The following SPATA13 variants were observed in gnomAD, a reference collection of about 807,000 sequenced individuals.
The protein encoded by SPATA13 is spermatogenesis-associated protein 13.
SPATA13 carries 50 observed loss-of-function variants against 104.0 expected under a neutral mutation model. The observed-to-expected ratio is 0.48, with a 90% CI of 0.38 to 0.61. The LOEUF is 0.61. Ranked by LOEUF, SPATA13 falls within the 20% of genes least tolerant of loss-of-function variation. The pLI, the probability that SPATA13 is intolerant of heterozygous loss-of-function variation, is 0.00. For missense variants in SPATA13, 1,524 were observed against 1,690.6 expected (o/e 0.90, Z 1.73); for synonymous variants, 606 against 667.5 (o/e 0.91, Z 1.42).
At chr13:24,079,226 G>T (rs879906688) in intron 3 of SPATA13, among the ~76,000 whole-genome samples, 2 of 152,200 alleles carry the variant, frequency 1.3e-5, no homozygotes, top group East Asian at 3.8e-4. Flanking sequence ...GAGACTTTGG[G>T]TGTGAAGTAG....
chr13:24,251,801 C>G lies in SPATA13; in HGVS notation c.2103C>G (p.Ser701=). The G allele has an allele frequency of 1.2e-6, 2 of 1,614,192 alleles. No individual in the cohort carries two copies. Among genetic ancestry groups the G allele is most frequent in the Non-Finnish European group, 1.7e-6 (2 of 1,180,018 alleles). Residue 701 remains serine, a synonymous_variant, in exon 4 of 13, where the codon TCC becomes TCG. Transcript: ENST00000382108. ...CCCGGTTCCGGCCCTTCACATTCTC[C>G]CAGAGCACCCCCATTGGGTTGGACC... is the stretch of plus-strand genomic sequence containing the variant. ...VSARFRPFTF[S]QSTPIGLDRV... is the part of the protein sequence containing the mutation.
chr13:24,156,745 T>C (rs550336182), upstream of SPATA13, among the ~76,000 whole-genome samples: 3 of 152,150 alleles, frequency 2.0e-5, no homozygotes. Context: ...TTTACATACA[T>C]TATTACACTT....
In SPATA13 at chr13:24,139,655, C is replaced by A. The variant is rs372494771; in HGVS notation, c.-111-83164C>A. The stretch of plus-strand genomic sequence containing the variant: ...TAAACACCAACTGGAACTACAGAAA[C>A]CCTCTCTGAGCTTGGTAAGTTAGGA... On this transcript the variant is annotated intron_variant, in intron 3 of 14. Transcript: ENST00000424834. Among the ~76,000 whole-genome samples, 6 of 152,314 alleles carry A rather than the reference C, an allele frequency of 3.9e-5. No individual in the cohort carries two copies. In the East Asian group the frequency reaches 9.6e-4, roughly 24 times the overall value.
At chr13:24,281,191 C>T (rs917910458) in intron 4 of SPATA13, among the ~76,000 whole-genome samples, 18 of 152,228 alleles carry the variant, frequency 1.2e-4, no homozygotes, top group African/African-American at 3.4e-4. Flanking sequence ...GGCTGTGGAG[C>T]GCTTTCTTCT....
intron 2 of SPATA13, among the ~76,000 whole-genome samples, chr13:24,242,184 A>T (rs1045891999): frequency 6.6e-6 from 1 of 152,170 alleles, no homozygotes; most frequent in Non-Finnish European, 1.5e-5. Context: ...AGTTAGGGGA[A>T]GAGGGCCTAG....
intron 3 of SPATA13, among the ~76,000 whole-genome samples, chr13:24,089,995 T>C (rs1879861034): frequency 6.6e-6 from 1 of 152,250 alleles, no homozygotes; most frequent in South Asian, 2.1e-4. Flanking sequence ...TTATGAGGGC[T>C]CTGCCTTCAG....
chr13:24,081,475 C>T (rs1045697114), intron 3 of SPATA13, among the ~76,000 whole-genome samples: 1 of 151,956 alleles, frequency 6.6e-6, no homozygotes, highest in East Asian at 1.9e-4. Context: ...AAACTCACAT[C>T]AATAGTATGA....
At chr13:24,081,160 G>T (rs1001222989) in intron 3 of SPATA13, among the ~76,000 whole-genome samples, 1 of 152,166 alleles carries the variant, frequency 6.6e-6, no homozygotes, top group Non-Finnish European at 1.5e-5. Flanking sequence ...TGTCCTTGCT[G>T]TTGGCCTAAT....
chr13:24,265,853 C>T (rs1874274969), intron 4 of SPATA13, among the ~76,000 whole-genome samples: 1 of 152,088 alleles, frequency 6.6e-6, no homozygotes, highest in Non-Finnish European at 1.5e-5. Context: ...ATGTCTGTAC[C>T]ATGAAGGGAG....
chr13:24,269,161 G>A (rs369612264), intron 4 of SPATA13, among the ~76,000 whole-genome samples: 30 of 152,202 alleles, frequency 2.0e-4, no homozygotes, highest in African/African-American at 7.0e-4. Context: ...ATATGTTCTC[G>A]AGTAATTCTG....
rs1197839307 is a variant in SPATA13 at position 23,989,502 on chromosome 13, AC to A, written c.-147+5570del. 5.3e-5 allele frequency among the ~76,000 whole-genome samples: 8 copies of A among 152,324 alleles called. No homozygotes were observed. The South Asian group carries it at 1.0e-3, about 20-fold the overall frequency. On this transcript the variant is annotated intron_variant, in intron 2 of 14. Coordinates refer to the SPATA13 transcript ENST00000424834. ...AGTAGCTTGGTATGAACTGAAAAAA[AC>A]AACCCAAAATAGCGTATTATTAAAT...
chr13:24,106,948 G>A (rs1051729105), intron 3 of SPATA13, among the ~76,000 whole-genome samples: 5 of 152,074 alleles, frequency 3.3e-5, no homozygotes, highest in South Asian at 2.1e-4. Flanking sequence ...GCACTATTCC[G>A]AACACTTGGG....
intron 4 of SPATA13, among the ~76,000 whole-genome samples, chr13:24,279,001 C>A (rs995866003): frequency 7.0e-6 from 1 of 142,490 alleles, no homozygotes; most frequent in Non-Finnish European, 1.5e-5. Flanking sequence ...TCCCTTCCTT[C>A]CTTCCTTCCC....
intron 3 of SPATA13, among the ~76,000 whole-genome samples, chr13:24,146,712 A>G (rs1472507336): frequency 6.6e-6 from 1 of 152,198 alleles, no homozygotes; most frequent in Non-Finnish European, 1.5e-5. Context: ...TGATTATGTT[A>G]TACATTTAAT....
intron 4 of SPATA13, among the ~76,000 whole-genome samples, chr13:24,274,157 A>G (rs902741128): frequency 2.0e-5 from 3 of 152,220 alleles, no homozygotes; most frequent in Admixed American, 6.5e-5. Context: ...TTTCCAGCCA[A>G]TGCAATCAGA....
intron 3 of SPATA13, among the ~76,000 whole-genome samples, chr13:24,018,162 TG>T (rs765747033): frequency 1.3e-5 from 2 of 152,230 alleles, no homozygotes; most frequent in African/African-American, 2.4e-5. Context: ...GGGTTTTGTA[TG>T]TTTGTTACTG....
At position 24,160,733 on chromosome 13, in the gene SPATA13, C is replaced by G; in HGVS notation, c.-311C>G. 1.0e-6 allele frequency: 1 copy of G among 985,622 alleles called. No individual in the cohort carries two copies. Among genetic ancestry groups the G allele is most frequent in the Non-Finnish European group, 1.2e-6 (1 of 830,198 alleles). 61.1% of individuals were successfully genotyped at this position (985,622 alleles called of 1,614,324 possible). On this transcript the variant is annotated 5_prime_UTR_variant, in exon 1 of 13. Transcript: ENST00000382108. ...CGTGGCTTGGCTGAGTGTGCTGCCGCGGCGCGGGAGGAGAGTGTGCGTTGC... is the reference window on the plus strand; with the variant it reads ...CGTGGCTTGGCTGAGTGTGCTGCCGGGGCGCGGGAGGAGAGTGTGCGTTGC...
intron 2 of SPATA13, among the ~76,000 whole-genome samples, chr13:24,241,718 T>A (rs953244805): frequency 6.6e-6 from 1 of 152,112 alleles, no homozygotes; most frequent in Admixed American, 6.6e-5. Flanking sequence ...ACACACCCCA[T>A]TGAGGGCTAT....
At chr13:24,085,659 C>T (rs1879695348) in intron 3 of SPATA13, among the ~76,000 whole-genome samples, 1 of 152,176 alleles carries the variant, frequency 6.6e-6, no homozygotes, top group Non-Finnish European at 1.5e-5. Flanking sequence ...TCCATGTGGC[C>T]CGACTCCCTT....
Sources: allele counts gnomAD v4.1 joint callset (sites outside exome capture counted in the v4.1 genomes callset), GRCh38; gene constraint gnomAD v4.1.1; transcripts MANE v1.5; gene names NCBI Gene and HGNC (gene_info 2026-07-23, HGNC 2026-07-21).